The following DLGAP1 variants were observed in gnomAD, a reference collection of about 807,000 sequenced individuals.
The protein encoded by DLGAP1 is disks large-associated protein 1.
A neutral mutation model predicts 90.8 loss-of-function variants in DLGAP1; 11 were observed. That is an observed-to-expected ratio of 0.12 (90% CI 0.08 to 0.20). The LOEUF (loss-of-function observed/expected upper bound fraction) is 0.20, where lower values mean the gene tolerates loss of function less well. Among genes scored for constraint, DLGAP1 ranks in the 10% least tolerant of loss-of-function variants. The pLI is 1.00. For missense variants in DLGAP1, 1,050 were observed against 1,333.8 expected (o/e 0.79, Z 3.31); for synonymous variants, 558 against 540.7 (o/e 1.03, Z -0.44).
chr18:4,021,003 G>A (rs1053915912), intron 2 of DLGAP1, among the ~76,000 whole-genome samples: 5 of 151,970 alleles, frequency 3.3e-5, no homozygotes, highest in African/African-American at 9.7e-5. Flanking sequence ...ATAGTAGACC[G>A]CAAGAAAAAC....
chr18:3,550,490 A>G (rs1169763126), intron 9 of DLGAP1, among the ~76,000 whole-genome samples: 1 of 152,128 alleles, frequency 6.6e-6, no homozygotes, highest in Non-Finnish European at 1.5e-5. Context: ...CCTCCCTAAG[A>G]GTTGGGATTA....
In DLGAP1 at chr18:4,075,350, G is replaced by T. The variant is rs149089825; in HGVS notation, c.-158-70149C>A. ...TCTACAGTGTAAAAAGAAATAGGGA[G>T]AAAGCAAATATAACACTTTCTCTTT... is the stretch of plus-strand genomic sequence containing the variant. On this transcript the variant is annotated intron_variant, in intron 2 of 12. Coordinates refer to ENST00000315677, the MANE Select transcript of DLGAP1 (RefSeq NM_004746.4). Among the ~76,000 whole-genome samples the T allele has an allele frequency of 2.8e-4, 42 of 152,252 alleles. No individual in the cohort carries two copies. In the East Asian group the frequency reaches 6.6e-3, roughly 24 times the overall value.
chr18:4,211,596 A>T (rs1289008754), intron 1 of DLGAP1, among the ~76,000 whole-genome samples: 1 of 152,144 alleles, frequency 6.6e-6, no homozygotes, highest in Non-Finnish European at 1.5e-5. Context: ...CTCCAATAAG[A>T]CGAGTACATA....
intron 5 of DLGAP1, among the ~76,000 whole-genome samples, chr18:3,803,068 T>C (rs28571643): frequency 0.54 from 82,091 of 152,066 alleles, 24,857 homozygotes; most frequent in Non-Finnish European, 0.68. Context: ...CTCTGCCTCG[T>C]AGAGCGTGTC....
chr18:4,069,344 G>C (rs573142029), intron 2 of DLGAP1, among the ~76,000 whole-genome samples: 1 of 152,184 alleles, frequency 6.6e-6, no homozygotes, highest in Non-Finnish European at 1.5e-5. Context: ...CATGCCTTGG[G>C]GATTGATGAT....
chr18:4,348,318 G>T (rs1172400983), intron 1 of DLGAP1, among the ~76,000 whole-genome samples: 1 of 151,776 alleles, frequency 6.6e-6, no homozygotes, highest in Admixed American at 6.6e-5. Context: ...AAAAAGAGGA[G>T]TTACAAGTAA....
At chr18:4,167,130 A>G (rs762179221) in intron 1 of DLGAP1, among the ~76,000 whole-genome samples, 11 of 152,192 alleles carry the variant, frequency 7.2e-5, no homozygotes, top group Non-Finnish European at 1.5e-4. Flanking sequence ...AGAAAGAGAA[A>G]AAAGAACCAG....
chr18:4,175,362 T>C (rs2077089630), intron 1 of DLGAP1, among the ~76,000 whole-genome samples: 1 of 152,196 alleles, frequency 6.6e-6, no homozygotes, highest in Non-Finnish European at 1.5e-5. Flanking sequence ...TCCCATTCTG[T>C]AGGTTGTCTG....
chr18:4,269,999 T>C lies in DLGAP1; in HGVS notation c.-266-118712A>G, dbSNP rs648082. Among the ~76,000 whole-genome samples the C allele has an allele frequency of 4.4e-3, 667 of 152,344 alleles. 6 individuals are homozygous for C. Among genetic ancestry groups the C allele is most frequent in the African/African-American group, 0.016 (647 of 41,588 alleles). The stretch of plus-strand genomic sequence containing the variant: ...TGCTAATGATTGAAATAGAAATTTA[T>C]GCTATTCACAATAGGATCCTTCACA... On this transcript the variant is annotated intron_variant, in intron 1 of 12. Coordinates refer to ENST00000315677, the MANE Select transcript of DLGAP1 (RefSeq NM_004746.4).
intron 2 of DLGAP1, among the ~76,000 whole-genome samples, chr18:4,052,123 C>T (rs2075142815): frequency 6.6e-6 from 1 of 152,184 alleles, no homozygotes; most frequent in African/African-American, 2.4e-5. Flanking sequence ...ACAATTCAAG[C>T]TGTTGGTGGA....
At chr18:3,661,662 C>T (rs1256713552) in intron 7 of DLGAP1, among the ~76,000 whole-genome samples, 10 of 151,080 alleles carry the variant, frequency 6.6e-5, no homozygotes, top group Admixed American at 5.3e-4. Flanking sequence ...CTGCAACCTC[C>T]GCCTCCTGGG....
chr18:4,406,215 T>C (rs12956340), intron 1 of DLGAP1, among the ~76,000 whole-genome samples: 21,933 of 152,180 alleles, frequency 0.14, 1,888 homozygotes, highest in African/African-American at 0.22. Context: ...ACCAGTCTGA[T>C]TGGTTGTGGG....
chr18:4,040,329 G>GT (rs918438526), intron 2 of DLGAP1, among the ~76,000 whole-genome samples: 4 of 152,126 alleles, frequency 2.6e-5, no homozygotes, highest in Non-Finnish European at 4.4e-5. Context: ...CTCACTTAAT[G>GT]TTGGCTATTA....
In DLGAP1 at chr18:3,566,975, C is replaced by T. The variant is rs184568282; in HGVS notation, c.2057+515G>A. On this transcript the variant is annotated intron_variant, in intron 9 of 12. Transcript: ENST00000315677. Reference sequence around the variant, plus strand: ...CATTTCCCATTTATAGATACTAAGGCTCTAAAGTAGGTAAAGAGTAATCTG... The same window carrying T: ...CATTTCCCATTTATAGATACTAAGGTTCTAAAGTAGGTAAAGAGTAATCTG... Among the ~76,000 whole-genome samples, 10 of 152,112 alleles carry T rather than the reference C, an allele frequency of 6.6e-5. No homozygotes were observed. In the East Asian group the frequency reaches 1.9e-3, roughly 29 times the overall value.
intron 5 of DLGAP1, among the ~76,000 whole-genome samples, chr18:3,748,031 A>G (rs2063341477): frequency 6.6e-6 from 1 of 152,254 alleles, no homozygotes; most frequent in Non-Finnish European, 1.5e-5. Context: ...GCATATTCAG[A>G]AACATTAACT....
At chr18:4,359,573 T>C (rs949830706) in intron 1 of DLGAP1, among the ~76,000 whole-genome samples, 1 of 152,202 alleles carries the variant, frequency 6.6e-6, no homozygotes, top group Non-Finnish European at 1.5e-5. Context: ...TTATATTAAA[T>C]AAATATGTAT....
At position 4,107,504 on chromosome 18, in the gene DLGAP1, T is replaced by A. The variant is rs57707251; in HGVS notation, c.-159+43676A>T. ...ATTACAATGCCTTCTGCCTCACCAT[T>A]ATGAAAAAAGGGATTTCAGGGTTTC... On this transcript the variant is annotated intron_variant, in intron 2 of 12. Transcript: ENST00000315677. Among the ~76,000 whole-genome samples, 1,041 of 152,102 alleles carry A rather than the reference T, an allele frequency of 6.8e-3. 14 individuals are homozygous for A. The highest frequency in any genetic ancestry group is 0.024 in the African/African-American group (1,005 of 41,480).
intron 1 of DLGAP1, among the ~76,000 whole-genome samples, chr18:4,272,590 C>A (rs2079307899): frequency 6.6e-6 from 1 of 152,164 alleles, no homozygotes; most frequent in Non-Finnish European, 1.5e-5. Flanking sequence ...TTTTCTCTGC[C>A]ATCAGCAGGC....
chr18:3,713,690 A>G (rs556434749), intron 7 of DLGAP1, among the ~76,000 whole-genome samples: 2 of 152,320 alleles, frequency 1.3e-5, no homozygotes, highest in African/African-American at 4.8e-5. Flanking sequence ...TTCAGTAATC[A>G]TAAGTATTTG....
Sources: allele counts gnomAD v4.1 joint callset (sites outside exome capture counted in the v4.1 genomes callset), GRCh38; gene constraint gnomAD v4.1.1; transcripts MANE v1.5; gene names NCBI Gene and HGNC (gene_info 2026-07-23, HGNC 2026-07-21).